ZFHX2: variants seen among roughly 807,000 people sequenced by gnomAD.
ZFHX2 encodes the protein zinc finger homeobox 2.
A neutral mutation model predicts 164.8 loss-of-function variants in ZFHX2; 75 were observed. The observed-to-expected ratio is 0.46, with a 90% CI of 0.38 to 0.55. The LOEUF (loss-of-function observed/expected upper bound fraction) is 0.55, where lower values mean the gene tolerates loss of function less well. ZFHX2 is among the 20% of genes least tolerant of loss of function. The pLI is 0.00. For missense variants in ZFHX2, 2,933 were observed against 3,308.0 expected, an observed-to-expected ratio of 0.89 and a Z score of 2.78; for synonymous variants, 1,217 against 1,351.4, an observed-to-expected ratio of 0.90 and a Z score of 2.18.
At position 23,526,013 on chromosome 14, in the gene ZFHX2, C is replaced by T. The variant is rs942039272; in HGVS notation, c.3929G>A (p.Gly1310Asp). The T allele has an allele frequency of 1.5e-5, 23 of 1,534,156 alleles. No homozygotes were observed. In the Admixed American group the frequency reaches 4.5e-4, roughly 30 times the overall value. Residue 1310 changes from glycine to aspartate, a missense_variant, in exon 9 of 10, where the codon GGC becomes GAC. Coordinates refer to ENST00000419474, the MANE Select transcript of ZFHX2 (RefSeq NM_033400.3). ...AGATATGAAGCCACTGGTGTCAGGG[C>T]CCTTCTTCTCAGTGCCCACCTCCCC... is the stretch of plus-strand genomic sequence containing the variant. Reference protein sequence around the residue: ...TEGEVGTEKKGPDTSGFISGL... With the variant: ...TEGEVGTEKKDPDTSGFISGL...
upstream of ZFHX2, among the ~76,000 whole-genome samples, chr14:23,554,457 C>T (rs1595207869): frequency 6.6e-6 from 1 of 152,252 alleles, no homozygotes; most frequent in South Asian, 2.1e-4. Flanking sequence ...TAGCTCACTG[C>T]CCTTGACCTC....
Position 23,521,010 on chromosome 14 carries a change from T to C in ZFHX2, c.*952A>G, listed in dbSNP as rs200275804. On this transcript the variant is annotated 3_prime_UTR_variant, in exon 10 of 10. Transcript: ENST00000419474. ...TTTTTGGTTGTGTTTCAGTTTTTTT[T>C]TTTGAAAGAACTTTGGATTTGCCGT... is the stretch of plus-strand genomic sequence containing the variant. The C allele has an allele frequency of 1.3e-5, 2 of 152,146 alleles. No homozygotes were observed. The highest frequency in any genetic ancestry group is 4.8e-5 in the African/African-American group (2 of 41,394). The allele number at this position is 152,146 out of a possible 1,614,324, so 9.4% of individuals were successfully genotyped here.
Position 23,525,122 on chromosome 14 carries a change from G to A in ZFHX2, c.4820C>T (p.Thr1607Ile), listed in dbSNP as rs1878538492. The A allele has an allele frequency of 2.0e-6, 3 of 1,536,190 alleles. No homozygotes were observed. The highest frequency in any genetic ancestry group is 1.7e-6 in the Non-Finnish European group (2 of 1,146,932). The change falls in exon 9 of 10, where the codon ACC becomes ATC. Residue 1607 changes from threonine (T) to isoleucine (I), a missense_variant. Transcript: ENST00000419474. The surrounding 1 kb of genome is among the most constrained non-coding windows in gnomAD (Gnocchi z 5.9). ...CTCAAAGAAAGACTGCAGGGCTTGG[G>A]TCTGGAACTCTGTGAACTTGGTTCT... is the stretch of plus-strand genomic sequence containing the variant. ...FSRTKFTEFQ[T>I]QALQSFFETS... is the part of the protein sequence containing the mutation.
At chr14:23,538,366 C>T (rs1015760643) in intron 1 of ZFHX2, among the ~76,000 whole-genome samples, 1 of 152,006 alleles carries the variant, frequency 6.6e-6, no homozygotes, top group Non-Finnish European at 1.5e-5. Context: ...CTCCCATCAC[C>T]CACTATTTAT....
chr14:23,549,311 G>A (rs747808999), intron 1 of ZFHX2, among the ~76,000 whole-genome samples: 23 of 151,764 alleles, frequency 1.5e-4, no homozygotes, highest in Middle Eastern at 3.4e-3. Context: ...TTATTGCACC[G>A]ACCACCCCTT....
chr14:23,540,102 C>T (rs1221077192), intron 1 of ZFHX2, among the ~76,000 whole-genome samples: 1 of 152,234 alleles, frequency 6.6e-6, no homozygotes, highest in African/African-American at 2.4e-5. Flanking sequence ...ATCCTCCCAT[C>T]TCAGCCTCCC....
chr14:23,524,055 C>T lies in ZFHX2; in HGVS notation c.5887G>A (p.Ala1963Thr). Residue 1963 changes from alanine (A) to threonine (T), a missense_variant, in exon 9 of 10, where the codon GCA (alanine) becomes ACA (threonine). Coordinates refer to ENST00000419474, the MANE Select transcript of ZFHX2 (RefSeq NM_033400.3). The surrounding 1 kb of genome is among the most constrained non-coding windows in gnomAD (Gnocchi z 5.6). ...GTGREAPKRE[A>T]PAFPYPTATL... ...GCAGTGGGGTAGGGAAAAGCAGGTG[C>T]TTCCCTCTTTGGGGCTTCCCTCCCA... The T allele has an allele frequency of 1.3e-6, 2 of 1,515,884 alleles. No individual in the cohort carries two copies. The highest frequency in any genetic ancestry group is 1.8e-6 in the Non-Finnish European group (2 of 1,136,244). 93.9% of individuals were successfully genotyped at this position (1,515,884 alleles called of 1,614,324 possible). A position where few individuals can be genotyped will look rare whatever the true frequency, so the allele number is the denominator to read the frequency against.
rs920926859 is a variant in ZFHX2, at chr14:23,525,831, C to T, written c.4111G>A (p.Asp1371Asn). The change falls in exon 9 of 10, where the codon GAT becomes AAT. Residue 1371 changes from aspartate (D) to asparagine (N), a missense_variant. Physicochemically the swap from Asp to Asn is conservative, Grantham distance 23 (BLOSUM62 1). Coordinates refer to ENST00000419474, the MANE Select transcript of ZFHX2 (RefSeq NM_033400.3). This position sits in a 1 kb window ranked among gnomAD's most constrained non-coding sequence, Gnocchi z 5.9. ...QQLLLPFYLH[D>N]LKVGPKLTLA... ...GTCAGCTTGGGCCCCACCTTGAGAT[C>T]GTGGAGGTAGAAGGGCAGGAGCAGC... The T allele has an allele frequency of 2.1e-6, 3 of 1,457,048 alleles. No individual in the cohort carries two copies. Among genetic ancestry groups the T allele is most frequent in the Middle Eastern group, 1.8e-4 (1 of 5,556 alleles). 90.3% of individuals were successfully genotyped at this position (1,457,048 alleles called of 1,614,324 possible).
chr14:23,531,650 C>T lies in ZFHX2; in HGVS notation c.2631G>A (p.Trp877Ter). The T allele has an allele frequency of 6.6e-7, 1 of 1,511,574 alleles. No homozygotes were observed. Among genetic ancestry groups the T allele is most frequent in the Non-Finnish European group, 8.8e-7 (1 of 1,131,950 alleles). The allele number at this position is 1,511,574 out of a possible 1,614,324, so 93.6% of individuals were successfully genotyped here. The change falls in exon 4 of 10, where the codon TGG becomes TGA. Residue 877 changes from tryptophan to a stop codon, truncating the protein, a stop_gained. Transcript: ENST00000419474. LOFTEE classifies it high-confidence loss of function. ...GCACAGCCAAGCGGGAGGGTGTCTC[C>T]CACGCACACAACAGGCAGTGGTATA... ...LGLYHCLLCA[W>*]ETPSRLAVLQ...
intron 1 of ZFHX2, among the ~76,000 whole-genome samples, chr14:23,537,329 G>A (rs953874626): frequency 6.6e-6 from 1 of 151,142 alleles, no homozygotes; most frequent in African/African-American, 2.4e-5. Flanking sequence ...GCCCATCTAC[G>A]TCCTCTCTAG....
Position 23,533,971 on chromosome 14 carries a change from G to T in ZFHX2, c.1355C>A (p.Thr452Lys). 6.5e-7 allele frequency: 1 copy of T among 1,537,740 alleles called. No homozygotes were observed. ...CCAGTTGCACTTGGGACACTTGAGT[G>T]TCTTGCAGGAGTTGCGTGAGTGGAG... ...SLLHSRNSCK[T>K]LKCPKCNWHY... is the part of the protein sequence containing the mutation. Residue 452 changes from threonine to lysine, a missense_variant, in exon 2 of 10, where the codon ACA becomes AAA. Thr to Lys is a moderately conservative substitution (Grantham distance 78). Coordinates refer to ENST00000419474, the MANE Select transcript of ZFHX2 (RefSeq NM_033400.3). The surrounding 1 kb of genome is among the most constrained non-coding windows in gnomAD (Gnocchi z 4.8).
rs563174066 is a variant in ZFHX2 at position 23,535,134 on chromosome 14, G to T, written c.192C>A (p.Gly64=). 5.2e-6 allele frequency: 8 copies of T among 1,536,020 alleles called. No homozygotes were observed. Among genetic ancestry groups the T allele is most frequent in the Non-Finnish European group, 7.0e-6 (8 of 1,146,862 alleles). ...SEPGGQLLES[G]CGLVPPKEIG... is the part of the protein sequence containing the mutation. ...TCTCCTTTGGTGGGACGAGGCCACA[G>T]CCCGACTCCAGGAGCTGTCCCCCTG... Residue 64 remains glycine, a synonymous_variant, in exon 2 of 10, where the codon GGC becomes GGA. Coordinates refer to ENST00000419474, the MANE Select transcript of ZFHX2 (RefSeq NM_033400.3). This position sits in a 1 kb window ranked among gnomAD's most constrained non-coding sequence, Gnocchi z 4.5.
chr14:23,533,840 C>A lies in ZFHX2; in HGVS notation c.1486G>T (p.Ala496Ser). Residue 496 changes from alanine (A) to serine (S), a missense_variant, in exon 2 of 10, where the codon GCT (alanine) becomes TCT (serine). Coordinates refer to ENST00000419474, the MANE Select transcript of ZFHX2 (RefSeq NM_033400.3). The surrounding 1 kb of genome is among the most constrained non-coding windows in gnomAD (Gnocchi z 4.8). ...CCACAGTTGTAGCTCTCTCCACGAG[C>A]AAGGCGGGGGTGGGCGCCCCCAGCA... Reference protein sequence around the residue: ...CSAGGAHPRLARGESYNCGYK... With the variant: ...CSAGGAHPRLSRGESYNCGYK... 6.5e-7 allele frequency: 1 copy of A among 1,540,634 alleles called. No individual in the cohort carries two copies. Among genetic ancestry groups the A allele is most frequent in the African/African-American group, 1.4e-5 (1 of 73,258 alleles).
chr14:23,523,767 C>A lies in ZFHX2; in HGVS notation c.6175G>T (p.Val2059Phe), dbSNP rs1350350032. The change falls in exon 9 of 10, where the codon GTT (valine) becomes TTT (phenylalanine). Residue 2059 changes from valine to phenylalanine, a missense_variant. Coordinates refer to ENST00000419474, the MANE Select transcript of ZFHX2 (RefSeq NM_033400.3). The surrounding 1 kb of genome is among the most constrained non-coding windows in gnomAD (Gnocchi z 4.1). Reference protein sequence around the residue: ...TSGGPGGGTGVPDGMGQRRYR... With the variant: ...TSGGPGGGTGFPDGMGQRRYR... Reference sequence around the variant, plus strand: ...CGCCGCTGCCCCATTCCATCTGGAACCCCAGTCCCACCTCCAGGTCCCCCA... The same window carrying A: ...CGCCGCTGCCCCATTCCATCTGGAAACCCAGTCCCACCTCCAGGTCCCCCA... The A allele has an allele frequency of 6.5e-7, 1 of 1,536,100 alleles. No individual in the cohort carries two copies. Among genetic ancestry groups the A allele is most frequent in the Admixed American group, 2.0e-5 (1 of 50,982 alleles).
At chr14:23,543,702 C>T (rs550108190) in intron 1 of ZFHX2, 8 of 152,138 alleles carry the variant, frequency 5.3e-5, no homozygotes, top group African/African-American at 1.4e-4. Flanking sequence ...TAGATAATGG[C>T]GGGTAGTGTT....
chr14:23,528,038 G>A (rs1312115788), intron 6 of ZFHX2, among the ~76,000 whole-genome samples: 1 of 151,684 alleles, frequency 6.6e-6, no homozygotes, highest in Non-Finnish European at 1.5e-5. Flanking sequence ...CTCCCAAGCA[G>A]CTGGGATTAC....
At chr14:23,529,623 C>T (rs991279519) in intron 6 of ZFHX2, 87 bp downstream of exon 6, 3 of 1,317,054 alleles carry the variant, frequency 2.3e-6, no homozygotes, top group Middle Eastern at 1.8e-4. Context: ...CAAAGCATGA[C>T]AAAATTACGT....
chr14:23,533,357 G>A lies in ZFHX2; in HGVS notation c.1969C>T (p.Pro657Ser), dbSNP rs1357706575. Reference sequence around the variant, plus strand: ...TTGAGAAGTAGCTGGGCTTCCAGGGGCTTGTCTGGCCTCAGCCCCGGGCCA... The same window carrying A: ...TTGAGAAGTAGCTGGGCTTCCAGGGACTTGTCTGGCCTCAGCCCCGGGCCA... ...LAGPGLRPDK[P>S]LEAQLLLNGF... is the part of the protein sequence containing the mutation. The change falls in exon 2 of 10, where the codon CCC (proline) becomes TCC (serine). Residue 657 changes from proline (P) to serine (S), a missense_variant. By Grantham distance (74) the Pro-to-Ser change is moderately conservative. Transcript: ENST00000419474. The surrounding 1 kb of genome is among the most constrained non-coding windows in gnomAD (Gnocchi z 4.8). The A allele has an allele frequency of 1.4e-6, 2 of 1,442,108 alleles. No homozygotes were observed. Among genetic ancestry groups the A allele is most frequent in the East Asian group, 2.5e-5 (1 of 40,082 alleles). The allele number at this position is 1,442,108 out of a possible 1,614,324, so 89.3% of individuals were successfully genotyped here. A position where few individuals can be genotyped will look rare whatever the true frequency, so the allele number is the denominator to read the frequency against.
chr14:23,537,415 G>C (rs1880300778), intron 1 of ZFHX2, among the ~76,000 whole-genome samples: 1 of 152,108 alleles, frequency 6.6e-6, no homozygotes, highest in African/African-American at 2.4e-5. Flanking sequence ...GGGGCGAGGG[G>C]CGTGGCCTCT....
Sources: gnomAD v4.1 joint callset for allele counts (sites outside exome capture counted in the v4.1 genomes callset) on GRCh38, gnomAD v4.1.1 for gene constraint, Gnocchi (gnomAD v3.1) non-coding constraint, MANE v1.5 for transcripts, NCBI Gene and HGNC (gene_info 2026-07-23, HGNC 2026-07-21) for gene names.